The following HPS4 variants were observed in gnomAD, a reference collection of about 807,000 sequenced individuals.
HPS4 encodes the protein HPS4 biogenesis of lysosomal organelles complex 3 subunit 2, also known as BLOC-3 complex member HPS4.
A neutral mutation model predicts 70.3 loss-of-function variants in HPS4; 44 were observed. The observed-to-expected ratio is 0.63, with a 90% CI of 0.49 to 0.80. The LOEUF is 0.80. HPS4 is among the 30% of genes least tolerant of loss of function. The pLI is 0.00. For synonymous variants in HPS4, 377 were observed against 355.9 expected (o/e 1.06, Z -0.67); for missense variants, 873 against 884.4 (o/e 0.99, Z 0.16).
At chr22:26,448,892 CCT>C (rs1296746871), downstream of HPS4, among the ~76,000 whole-genome samples, 4 of 152,178 alleles carry the variant, frequency 2.6e-5, no homozygotes, top group East Asian at 3.8e-4. Flanking sequence ...CCTGCCCTCC[CCT>C]GTCTCCTCAC....
chr22:26,465,597 G>A lies in HPS4; in HGVS notation c.707-46C>T, dbSNP rs1248153293. 6.0e-6 allele frequency: 9 copies of A among 1,505,020 alleles called. No individual in the cohort carries two copies. The Middle Eastern group carries it at 1.1e-3, about 176-fold the overall frequency. 93.2% of individuals were successfully genotyped at this position (1,505,020 alleles called of 1,614,324 possible). A position where few individuals can be genotyped will look rare whatever the true frequency, so the allele number is the denominator to read the frequency against. On this transcript the variant is annotated intron_variant, in intron 9 of 13. Coordinates refer to ENST00000398145, the MANE Select transcript of HPS4 (RefSeq NM_022081.6). ...GAACAGGACTTTCCCCTGAGCCAGA[G>A]AGGGCAGCGGGGCAATAGCTGCACT...
At chr22:26,476,146 G>C (rs2090513071) in intron 4 of HPS4, 1 of 152,040 alleles carries the variant, frequency 6.6e-6, no homozygotes, top group Admixed American at 6.6e-5. Context: ...AATTGAGGAG[G>C]TATATGAGTA....
intron 10 of HPS4, 90 bp downstream of exon 10, chr22:26,465,365 T>A: frequency 1.2e-6 from 1 of 866,572 alleles, no homozygotes; most frequent in Non-Finnish European, 2.0e-6. Context: ...TAAGGAACGA[T>A]GGGATGTATC....
At chr22:26,455,936 C>A (rs1441295627) in intron 13 of HPS4, among the ~76,000 whole-genome samples, 1 of 152,158 alleles carries the variant, frequency 6.6e-6, no homozygotes, top group Admixed American at 6.5e-5. Context: ...ACAAAACAGA[C>A]ACACACACCC....
chr22:26,452,681 C>G lies in HPS4; in HGVS notation c.*552G>C. ...CCAACAGAATTCAACCAAGTGGTCTCCGTGTGCTGCCGCTTCCCTGCAGGA... is the reference window on the plus strand; with the variant it reads ...CCAACAGAATTCAACCAAGTGGTCTGCGTGTGCTGCCGCTTCCCTGCAGGA... On this transcript the variant is annotated 3_prime_UTR_variant, in exon 14 of 14. Transcript: ENST00000398145. The G allele has an allele frequency of 4.1e-6, 1 of 245,840 alleles. No individual in the cohort carries two copies. The highest frequency in any genetic ancestry group is 4.8e-5 in the South Asian group (1 of 20,812). 15.2% of individuals were successfully genotyped at this position (245,840 alleles called of 1,614,324 possible).
chr22:26,466,251 C>A lies in HPS4; in HGVS notation c.681G>T (p.Thr227=), dbSNP rs751621468. ...RTAPQEQRLP[T]GEDAPQEHGA... is the part of the protein sequence containing the mutation. ...CATGTTCCTGCGGGGCATCCTCTCC[C>A]GTAGGGAGTCTCTGAAAACAAACAC... Residue 227 remains threonine, a synonymous_variant, in exon 9 of 14, where the codon ACG becomes ACT. Transcript: ENST00000398145. 1.2e-6 allele frequency: 2 copies of A among 1,614,184 alleles called. No homozygotes were observed. Among genetic ancestry groups the A allele is most frequent in the Admixed American group, 1.7e-5 (1 of 60,030 alleles).
At chr22:26,445,506 T>A (rs1159460897) in intron 3 of HPS4, among the ~76,000 whole-genome samples, 1 of 152,118 alleles carries the variant, frequency 6.6e-6, no homozygotes, top group Non-Finnish European at 1.5e-5. Flanking sequence ...CTAGGATATG[T>A]TAAGGAGCAA....
downstream of HPS4, among the ~76,000 whole-genome samples, chr22:26,447,335 A>G (rs1416312457): frequency 6.6e-6 from 1 of 152,014 alleles, no homozygotes; most frequent in Non-Finnish European, 1.5e-5. Context: ...AGATCACGTG[A>G]GTCCTGAACG....
At position 26,464,828 on chromosome 22, in the gene HPS4, T is replaced by C; in HGVS notation, c.804-2A>G. The C allele has an allele frequency of 1.3e-6, 2 of 1,591,088 alleles. No individual in the cohort carries two copies. The highest frequency in any genetic ancestry group is 8.5e-7 in the Non-Finnish European group (1 of 1,171,360). ...AGTCCTGCTGGAGATGCTAGAGACC[T>C]GGCAAACAAGAGAGATGTAAGGAAG... On this transcript the variant is annotated splice_acceptor_variant, in intron 10 of 13. Coordinates refer to ENST00000398145, the MANE Select transcript of HPS4 (RefSeq NM_022081.6). LOFTEE classifies it high-confidence loss of function.
At chr22:26,482,465 A>C (rs2091383106) in intron 1 of HPS4, among the ~76,000 whole-genome samples, 1 of 152,232 alleles carries the variant, frequency 6.6e-6, no homozygotes, top group South Asian at 2.1e-4. Flanking sequence ...ATCAAATGAC[A>C]GGGTGAAAAT....
In HPS4 at chr22:26,470,730, G is replaced by C; in HGVS notation, c.585C>G (p.Leu195=). 1.2e-6 allele frequency: 2 copies of C among 1,614,072 alleles called. No homozygotes were observed. Among genetic ancestry groups the C allele is most frequent in the Non-Finnish European group, 1.7e-6 (2 of 1,180,022 alleles). The change falls in exon 7 of 14, where the codon CTC becomes CTG. Residue 195 remains leucine, a synonymous_variant. Coordinates refer to ENST00000398145, the MANE Select transcript of HPS4 (RefSeq NM_022081.6). The part of the protein sequence containing the change: ...RSPHILAGCI[L]YKGLIVSTQL... ...CTGGAGTTACTCACAGTCCTTTATA[G>C]AGGATGCAGCCAGCGAGAATGTGAG... is the stretch of plus-strand genomic sequence containing the variant.
rs763357219 is a variant in HPS4, at chr22:26,481,768, G to C, written c.-6C>G. On this transcript the variant is annotated 5_prime_UTR_variant, in exon 2 of 14. Coordinates refer to ENST00000398145, the MANE Select transcript of HPS4 (RefSeq NM_022081.6). ...GTGGAGGTAGAGGTGGCCATCTACT[G>C]TGCAGTCATCCTCATTCTCTTCATT... is the stretch of plus-strand genomic sequence containing the variant. 1 of 1,613,644 alleles carries C rather than the reference G, an allele frequency of 6.2e-7. No individual in the cohort carries two copies. The highest frequency in any genetic ancestry group is 1.1e-5 in the South Asian group (1 of 91,070).
At chr22:26,457,733 G>T in intron 13 of HPS4, 126 bp downstream of exon 13, 2 of 737,336 alleles carry the variant, frequency 2.7e-6, no homozygotes, top group South Asian at 1.5e-5. Context: ...ACAAAGGAAG[G>T]CCTTAAGGAG....
chr22:26,480,434 G>C (rs1054899578), intron 2 of HPS4, among the ~76,000 whole-genome samples: 1 of 152,106 alleles, frequency 6.6e-6, no homozygotes. Flanking sequence ...GCCTCCCAAA[G>C]TGCTGGAATT....
rs935760707 is a variant in HPS4 at position 26,479,571 on chromosome 22, C to T, written c.42-216G>A. ...AACTAAAAATATGCCTCTATCCAGC[C>T]GTTAGACCATCTGCCGGAGAAGACA... On this transcript the variant is annotated intron_variant, in intron 2 of 13. Transcript: ENST00000398145. 4.4e-6 allele frequency: 6 copies of T among 1,377,992 alleles called. No individual in the cohort carries two copies. The East Asian group carries it at 1.1e-4, about 25-fold the overall frequency. 85.4% of individuals were successfully genotyped at this position (1,377,992 alleles called of 1,614,324 possible). A position where few individuals can be genotyped will look rare whatever the true frequency, so the allele number is the denominator to read the frequency against.
intron 4 of HPS4, chr22:26,476,691 G>C: frequency 2.7e-6 from 1 of 366,558 alleles, no homozygotes; most frequent in Non-Finnish European, 5.2e-6. Flanking sequence ...GAGAAGAAAA[G>C]ATGATGATAA....
chr22:26,473,022 T>C, intron 4 of HPS4, 83 bp from the exon 5 acceptor site: 1 of 1,160,782 alleles, frequency 8.6e-7, no homozygotes. Flanking sequence ...GGGCTCTCAA[T>C]TACCTGACTT....
At chr22:26,470,633 G>T in intron 7 of HPS4, 86 bp downstream of exon 7, 1 of 1,328,406 alleles carries the variant, frequency 7.5e-7, no homozygotes, top group Non-Finnish European at 1.1e-6. Context: ...CAGAGACTGG[G>T]CTCCCCACTG....
intron 6 of HPS4, 182 bp from the exon 7 acceptor site, chr22:26,470,995 G>C: frequency 7.5e-7 from 1 of 1,325,360 alleles, no homozygotes; most frequent in Non-Finnish European, 1.1e-6. Context: ...TCTATACTCA[G>C]AACTGCTGAC....
Sources: allele counts gnomAD v4.1 joint callset (sites outside exome capture counted in the v4.1 genomes callset), GRCh38; gene constraint gnomAD v4.1.1; transcripts MANE v1.5; gene names NCBI Gene and HGNC (gene_info 2026-07-23, HGNC 2026-07-21).